The following NDUFV2 variants were observed in gnomAD, a reference collection of about 807,000 sequenced individuals.
The protein encoded by NDUFV2 is NADH:ubiquinone oxidoreductase core subunit V2.
In NDUFV2, 18 loss-of-function variants were observed where a neutral mutation model predicts 31.6. The ratio of observed to expected loss-of-function variants is 0.57; its 90% CI spans 0.39 to 0.84. The LOEUF (loss-of-function observed/expected upper bound fraction) is 0.84, where lower values mean the gene tolerates loss of function less well. Ranked by LOEUF, NDUFV2 falls within the 40% of genes least tolerant of loss-of-function variation. NDUFV2 has a pLI of 0.00. For missense variants in NDUFV2, 314 were observed against 303.6 expected, an observed-to-expected ratio of 1.03 and a Z score of -0.26; for synonymous variants, 83 against 99.8, an observed-to-expected ratio of 0.83 and a Z score of 1.01.
intron 1 of NDUFV2, chr18:9,104,196 T>A: frequency 6.2e-7 from 1 of 1,611,814 alleles, no homozygotes; most frequent in Non-Finnish European, 8.5e-7. Flanking sequence ...AAGATCGGTA[T>A]GTATGAGAAG....
intron 1 of NDUFV2, chr18:9,115,801 T>C (rs2077895143): frequency 6.6e-6 from 1 of 151,740 alleles, no homozygotes; most frequent in Non-Finnish European, 1.5e-5. Context: ...GAGGTTGTGG[T>C]GAGCCGAGAT....
At chr18:9,130,146 C>T (rs2078027470) in intron 7 of NDUFV2, among the ~76,000 whole-genome samples, 1 of 152,126 alleles carries the variant, frequency 6.6e-6, no homozygotes, top group Non-Finnish European at 1.5e-5. Context: ...GCTGGAAACA[C>T]AAATTGGGGA....
chr18:9,120,302 A>G (rs1020553142), intron 4 of NDUFV2, among the ~76,000 whole-genome samples: 2 of 152,218 alleles, frequency 1.3e-5, no homozygotes, highest in Admixed American at 6.5e-5. Context: ...GCTGTGTTAT[A>G]TAATGGAAAA....
At chr18:9,125,625 A>G (rs2077983342) in intron 6 of NDUFV2, among the ~76,000 whole-genome samples, 2 of 151,574 alleles carry the variant, frequency 1.3e-5, no homozygotes, top group Non-Finnish European at 2.9e-5. Flanking sequence ...GGCGTTTTCT[A>G]GTTATTTCTT....
In NDUFV2 at chr18:9,126,846, A is replaced by G. The variant is rs2077995171; in HGVS notation, c.595A>G (p.Lys199Glu). The G allele has an allele frequency of 6.2e-7, 1 of 1,613,476 alleles. No individual in the cohort carries two copies. Among genetic ancestry groups the G allele is most frequent in the Non-Finnish European group, 8.5e-7 (1 of 1,179,570 alleles). Residue 199 changes from lysine to glutamate, a missense_variant, in exon 7 of 8, where the codon AAG (lysine) becomes GAG (glutamate). By Grantham distance (56) the Lys-to-Glu change is moderately conservative. Transcript: ENST00000318388. ...TTTTTTCCAGGAGGATTTGACAGCT[A>G]AGGATATTGAAGAAATTATTGATGA... ...NDNYYEDLTA[K>E]DIEEIIDELK...
chr18:9,103,905 ATTCCACATCTCATT>A, intron 1 of NDUFV2: 1 of 436,760 alleles, frequency 2.3e-6, no homozygotes, highest in South Asian at 3.8e-5. Context: ...AAATATCTAC[ATTCCACATCTCATT>A]TTTGAGGCTG....
chr18:9,115,317 T>G (rs1275278019), intron 1 of NDUFV2, among the ~76,000 whole-genome samples: 1 of 151,956 alleles, frequency 6.6e-6, no homozygotes, highest in Non-Finnish European at 1.5e-5. Flanking sequence ...TGCATTTTTG[T>G]TTTTTTTGTT....
chr18:9,131,661 G>GTA (rs2078041165), intron 7 of NDUFV2, among the ~76,000 whole-genome samples: 1 of 152,130 alleles, frequency 6.6e-6, no homozygotes, highest in Non-Finnish European at 1.5e-5. Flanking sequence ...ATTTGTCTAT[G>GTA]TAAAGTACTT....
At chr18:9,132,892 T>G (rs908307308) in intron 7 of NDUFV2, among the ~76,000 whole-genome samples, 1 of 152,040 alleles carries the variant, frequency 6.6e-6, no homozygotes, top group African/African-American at 2.4e-5. Flanking sequence ...ATAAATAAAT[T>G]TAAAAATTGC....
chr18:9,119,721 G>A, intron 4 of NDUFV2, 131 bp downstream of exon 4: 1 of 759,642 alleles, frequency 1.3e-6, no homozygotes, highest in Non-Finnish European at 2.3e-6. Flanking sequence ...CCATTTGTAT[G>A]TTTCCTTGAA....
chr18:9,111,132 TCAAA>T (rs916821988), intron 1 of NDUFV2, among the ~76,000 whole-genome samples: 8 of 152,144 alleles, frequency 5.3e-5, no homozygotes, highest in African/African-American at 1.4e-4. Flanking sequence ...TTTGATGTCA[TCAAA>T]CAGTCAGGTG....
Position 9,119,610 on chromosome 18 carries a change from CT to C in NDUFV2, c.300+22del. The stretch of plus-strand genomic sequence containing the variant: ...AACAAGGTACTGGATTCATTTTTGC[CT>C]TAGTTCTAAAAGAGAAGAGATTGTG... On this transcript the variant is annotated intron_variant, in intron 4 of 7. Coordinates refer to ENST00000318388, the MANE Select transcript of NDUFV2 (RefSeq NM_021074.5). 6.3e-7 allele frequency: 1 copy of C among 1,576,062 alleles called. No individual in the cohort carries two copies.
At chr18:9,118,995 G>A (rs892295800) in intron 2 of NDUFV2, among the ~76,000 whole-genome samples, 10 of 151,752 alleles carry the variant, frequency 6.6e-5, no homozygotes, top group Non-Finnish European at 8.8e-5. Context: ...TCCAATAATT[G>A]GTAATGTTTT....
At chr18:9,125,535 G>A (rs186357255) in intron 6 of NDUFV2, among the ~76,000 whole-genome samples, 1,676 of 147,606 alleles carry the variant, frequency 0.011, 39 homozygotes, top group African/African-American at 0.04. Context: ...TTGATTGAGC[G>A]TTTCTGTTTT....
intron 1 of NDUFV2, among the ~76,000 whole-genome samples, chr18:9,104,764 TG>T (rs1431649164): frequency 1.3e-5 from 2 of 150,050 alleles, no homozygotes; most frequent in African/African-American, 4.9e-5. Context: ...ATATGCACTA[TG>T]TACACAATAA....
At chr18:9,117,949 TG>T in intron 2 of NDUFV2, 46 bp downstream of exon 2, 2 of 1,326,678 alleles carry the variant, frequency 1.5e-6, no homozygotes, top group Non-Finnish European at 2.2e-6. Flanking sequence ...ACTTGGAAAT[TG>T]GGGTAAATCC....
chr18:9,116,611 T>G lies in NDUFV2; in HGVS notation c.55-1227T>G, dbSNP rs148105399. Among the ~76,000 whole-genome samples the G allele has an allele frequency of 3.5e-3, 531 of 152,332 alleles. 4 individuals carry two copies. Among genetic ancestry groups the G allele is most frequent in the Non-Finnish European group, 6.3e-3 (429 of 68,028 alleles). The stretch of plus-strand genomic sequence containing the variant: ...ATTTATCACTCCCATCTTTTGTACG[T>G]GTGTCTCACATCCTGTACCTTAGTC... On this transcript the variant is annotated intron_variant, in intron 1 of 7. Coordinates refer to ENST00000318388, the MANE Select transcript of NDUFV2 (RefSeq NM_021074.5).
At chr18:9,124,447 C>CTTT (rs534490648) in intron 5 of NDUFV2, among the ~76,000 whole-genome samples, 12 of 113,374 alleles carry the variant, frequency 1.1e-4, no homozygotes, top group Non-Finnish European at 2.1e-4. Context: ...TTTTAAAAAA[C>CTTT]TTTTTTTTTT....
chr18:9,103,771 GT>G (rs1247796872), intron 1 of NDUFV2: 1 of 162,634 alleles, frequency 6.1e-6, no homozygotes, highest in Non-Finnish European at 1.3e-5. Flanking sequence ...TTTTTGCAGA[GT>G]TCAGTCTTTC....
Sources: allele counts gnomAD v4.1 joint callset (sites outside exome capture counted in the v4.1 genomes callset), GRCh38; gene constraint gnomAD v4.1.1; transcripts MANE v1.5; gene names NCBI Gene and HGNC (gene_info 2026-07-23, HGNC 2026-07-21).